ALK: variants seen among roughly 807,000 people sequenced by gnomAD.
ALK encodes ALK tyrosine kinase receptor.
ALK carries 74 observed loss-of-function variants against 163.1 expected under a neutral mutation model. That is an observed-to-expected ratio of 0.45 (90% CI 0.38 to 0.55). The LOEUF (loss-of-function observed/expected upper bound fraction) is 0.55. ALK is among the 20% of genes least tolerant of loss of function. The pLI is 0.00. For synonymous variants in ALK, 960 were observed against 843.2 expected, an observed-to-expected ratio of 1.14 and a Z score of -2.40; for missense variants, 2,063 against 2,105.3, an observed-to-expected ratio of 0.98 and a Z score of 0.39.
At chr2:29,385,134 ACC>A (rs1032591823) in intron 4 of ALK, among the ~76,000 whole-genome samples, 2 of 123,800 alleles carry the variant, frequency 1.6e-5, no homozygotes, top group South Asian at 5.1e-4. Flanking sequence ...TTTTTTTTTT[ACC>A]AGTAGGTTGG....
chr2:29,524,876 C>CGGAT (rs372355710), intron 4 of ALK, among the ~76,000 whole-genome samples: 1 of 146,958 alleles, frequency 6.8e-6, no homozygotes, highest in Non-Finnish European at 1.5e-5. Context: ...GATGGATGAA[C>CGGAT]GGATGGATGG....
At chr2:29,782,947 C>A (rs1476902330) in intron 1 of ALK, among the ~76,000 whole-genome samples, 7 of 152,170 alleles carry the variant, frequency 4.6e-5, no homozygotes, top group Non-Finnish European at 1.0e-4. Context: ...GTTGTGTGAG[C>A]CATTTTGCTG....
At chr2:29,224,120 T>G (rs1663850099) in intron 19 of ALK, among the ~76,000 whole-genome samples, 1 of 152,212 alleles carries the variant, frequency 6.6e-6, no homozygotes, top group Non-Finnish European at 1.5e-5. Context: ...TAGGGCAGCT[T>G]CAGTGCAATC....
At chr2:29,271,683 G>T (rs1197292122) in intron 11 of ALK, among the ~76,000 whole-genome samples, 2 of 152,234 alleles carry the variant, frequency 1.3e-5, no homozygotes, top group African/African-American at 4.8e-5. Context: ...CACGCCCACG[G>T]CTTGCCAGTG....
chr2:29,629,232 A>G (rs1232347706), intron 3 of ALK, among the ~76,000 whole-genome samples: 1 of 152,202 alleles, frequency 6.6e-6, no homozygotes, highest in Non-Finnish European at 1.5e-5. Context: ...TTGCCTATTA[A>G]CCAGGATGAA....
At chr2:29,260,185 C>T (rs1486078239) in intron 11 of ALK, among the ~76,000 whole-genome samples, 1 of 151,656 alleles carries the variant, frequency 6.6e-6, no homozygotes. Context: ...TCTTTTATTG[C>T]AAATTCTTTG....
At position 29,193,803 on chromosome 2, in the gene ALK, T is replaced by C. The variant is rs2148138816; in HGVS notation, c.4284A>G (p.Gln1428=). The change falls in exon 29 of 29, where the codon CAA becomes CAG. Residue 1428 remains glutamine (Q), a synonymous_variant. Coordinates refer to ENST00000389048, the MANE Select transcript of ALK (RefSeq NM_004304.5). ...TGCGCTCCTCCTCCCGTTTTGCCTG[T>C]TGAGAGACCAGGAGAGGAGGAACCC... ...PEGVPPLLVS[Q]QAKREEERSP... 6.3e-7 allele frequency: 1 copy of C among 1,599,920 alleles called. No homozygotes were observed. Among genetic ancestry groups the C allele is most frequent in the South Asian group, 1.1e-5 (1 of 89,088 alleles).
chr2:29,776,697 T>C (rs1331774487), intron 1 of ALK, among the ~76,000 whole-genome samples: 1 of 152,150 alleles, frequency 6.6e-6, no homozygotes, highest in Non-Finnish European at 1.5e-5. Flanking sequence ...CTCAGGAGGC[T>C]GAGGTGGGAA....
At chr2:29,206,009 A>G (rs1488353215) in intron 26 of ALK, among the ~76,000 whole-genome samples, 1 of 152,156 alleles carries the variant, frequency 6.6e-6, no homozygotes, top group Non-Finnish European at 1.5e-5. Flanking sequence ...AGTGGGGGCC[A>G]GGACCAGGGA....
intron 1 of ALK, among the ~76,000 whole-genome samples, chr2:29,812,963 T>G (rs75719254): frequency 0.014 from 2,099 of 152,290 alleles, 48 homozygotes; most frequent in African/African-American, 0.048. Context: ...GGAATAAAGA[T>G]GGTGCCAACT....
At chr2:29,215,604 G>T (rs958692268) in intron 23 of ALK, among the ~76,000 whole-genome samples, 26 of 152,332 alleles carry the variant, frequency 1.7e-4, no homozygotes, top group African/African-American at 5.8e-4. Context: ...GCTGCCCGGA[G>T]ATGGGCTTTA....
intron 1 of ALK, among the ~76,000 whole-genome samples, chr2:29,831,433 T>G (rs1389054165): frequency 6.6e-6 from 1 of 151,956 alleles, no homozygotes; most frequent in Non-Finnish European, 1.5e-5. Context: ...GCTTTAGAGC[T>G]TCTCTCTTTA....
chr2:29,886,848 T>C (rs1004003542), intron 1 of ALK, among the ~76,000 whole-genome samples: 2 of 152,224 alleles, frequency 1.3e-5, no homozygotes, highest in Admixed American at 1.3e-4. Flanking sequence ...AAATTGGATA[T>C]TTATTAAATG....
rs137931722 is a variant in ALK, at chr2:29,810,261, A to C, written c.668-92564T>G. Reference sequence around the variant, plus strand: ...ACAGGGTGATACGCCATCTCTACTAAAAATACAAAAATCAGCCGAGTGTGG... The same window carrying C: ...ACAGGGTGATACGCCATCTCTACTACAAATACAAAAATCAGCCGAGTGTGG... On this transcript the variant is annotated intron_variant, in intron 1 of 28. Coordinates refer to ENST00000389048, the MANE Select transcript of ALK (RefSeq NM_004304.5). Among the ~76,000 whole-genome samples, 875 of 152,118 alleles carry C rather than the reference A, an allele frequency of 5.8e-3. 6 individuals are homozygous for C. Among genetic ancestry groups the C allele is most frequent in the African/African-American group, 0.02 (830 of 41,476 alleles).
intron 3 of ALK, among the ~76,000 whole-genome samples, chr2:29,610,724 G>A (rs527554747): frequency 1.3e-5 from 2 of 152,196 alleles, no homozygotes; most frequent in South Asian, 4.2e-4. Flanking sequence ...ATGTTACTCT[G>A]TATCTCATTT....
At chr2:29,487,389 C>T (rs545482706) in intron 4 of ALK, among the ~76,000 whole-genome samples, 1 of 152,298 alleles carries the variant, frequency 6.6e-6, no homozygotes, top group East Asian at 1.9e-4. Flanking sequence ...AAATAGGATT[C>T]ACTCTAGACA....
chr2:29,879,836 T>A (rs185551038), intron 1 of ALK, among the ~76,000 whole-genome samples: 1 of 152,240 alleles, frequency 6.6e-6, no homozygotes, highest in African/African-American at 2.4e-5. Flanking sequence ...GTAGGTTTCC[T>A]GTAAATCTGA....
chr2:29,472,297 G>A (rs1341646605), intron 4 of ALK, among the ~76,000 whole-genome samples: 2 of 152,168 alleles, frequency 1.3e-5, no homozygotes, highest in African/African-American at 2.4e-5. Flanking sequence ...TGTGAAGCAG[G>A]GGCAAGCCTT....
rs564276610 is a variant in ALK, at chr2:29,882,081, G to A, written c.667+37912C>T. ...TCCTCCATCTGCAAACAGGGACTCCGTCTGAGGTTGCCTCAATAAACTTAA... is the reference window on the plus strand; with the variant it reads ...TCCTCCATCTGCAAACAGGGACTCCATCTGAGGTTGCCTCAATAAACTTAA... On this transcript the variant is annotated intron_variant, in intron 1 of 28. Transcript: ENST00000389048. 3.3e-5 allele frequency among the ~76,000 whole-genome samples: 5 copies of A among 152,244 alleles called. No individual in the cohort carries two copies. In the South Asian group the frequency reaches 6.2e-4, roughly 19 times the overall value.
Sources: gnomAD v4.1 joint callset for allele counts (sites outside exome capture counted in the v4.1 genomes callset) on GRCh38, gnomAD v4.1.1 for gene constraint, MANE v1.5 for transcripts, NCBI Gene and HGNC (gene_info 2026-07-23, HGNC 2026-07-21) for gene names.